SLC24A3: variants seen among roughly 807,000 people sequenced by gnomAD.
SLC24A3 encodes the protein solute carrier family 24 member 3, also known as sodium/potassium/calcium exchanger 3.
In SLC24A3, 28 loss-of-function variants were observed where a neutral mutation model predicts 75.8. The ratio of observed to expected loss-of-function variants is 0.37; its 90% CI spans 0.27 to 0.51. The LOEUF (loss-of-function observed/expected upper bound fraction) is 0.51. Among genes scored for constraint, SLC24A3 ranks in the 20% least tolerant of loss-of-function variants. The pLI is 0.94. For synonymous variants in SLC24A3, 372 were observed against 334.1 expected (o/e 1.11, Z -1.24); for missense variants, 663 against 847.8 (o/e 0.78, Z 2.71).
chr20:19,553,192 T>C (rs1375115551), intron 3 of SLC24A3, among the ~76,000 whole-genome samples: 1 of 151,664 alleles, frequency 6.6e-6, no homozygotes, highest in Non-Finnish European at 1.5e-5. Context: ...TGTGTGCACG[T>C]GTATGTCCGT....
intron 3 of SLC24A3, among the ~76,000 whole-genome samples, chr20:19,538,003 T>C (rs939055136): frequency 6.6e-6 from 1 of 151,854 alleles, no homozygotes; most frequent in Non-Finnish European, 1.5e-5. Context: ...ATTGTGCACA[T>C]GTACCCTAAA....
At chr20:19,623,296 G>A (rs2031827735) in intron 6 of SLC24A3, among the ~76,000 whole-genome samples, 2 of 152,164 alleles carry the variant, frequency 1.3e-5, no homozygotes, top group Non-Finnish European at 2.9e-5. Context: ...CAAGTCTAAT[G>A]CCATAAATGC....
intron 2 of SLC24A3, among the ~76,000 whole-genome samples, chr20:19,395,357 T>A (rs1986435814): frequency 6.6e-6 from 1 of 152,258 alleles, no homozygotes; most frequent in South Asian, 2.1e-4. Flanking sequence ...ATCACAATTT[T>A]AAAAAGTCAC....
chr20:19,334,139 T>G (rs1390354622), intron 2 of SLC24A3, among the ~76,000 whole-genome samples: 1 of 152,024 alleles, frequency 6.6e-6, no homozygotes, highest in Non-Finnish European at 1.5e-5. Context: ...AAATGGGTGG[T>G]CGTTGTCTCC....
At chr20:19,705,963 G>A (rs926294078) in intron 15 of SLC24A3, among the ~76,000 whole-genome samples, 24 of 152,146 alleles carry the variant, frequency 1.6e-4, no homozygotes, top group African/African-American at 5.1e-4. Flanking sequence ...GGTGATGAAC[G>A]TCTGTTCCAC....
At chr20:19,693,222 T>A in intron 12 of SLC24A3, 37 bp from the exon 13 acceptor site, 2 of 1,585,732 alleles carry the variant, frequency 1.3e-6, no homozygotes, top group Non-Finnish European at 1.7e-6. Context: ...TTTGTTATTT[T>A]TTTTTTATTT....
rs73605523 is a variant in SLC24A3 at position 19,505,832 on chromosome 20, A to G, written c.272-9656A>G. Among the ~76,000 whole-genome samples the G allele has an allele frequency of 0.01, 1,594 of 152,304 alleles. 60 individuals carry two copies. In the East Asian group the frequency reaches 0.14, roughly 13 times the overall value. Reference sequence around the variant, plus strand: ...TTTCTCAGCTCTGGAGAAAGCCTTCAGGGAAAGAGATGAAGGTGCTTAGTA... The same window carrying G: ...TTTCTCAGCTCTGGAGAAAGCCTTCGGGGAAAGAGATGAAGGTGCTTAGTA... On this transcript the variant is annotated intron_variant, in intron 2 of 16. Transcript: ENST00000328041.
At chr20:19,628,181 C>G (rs1040327536) in intron 6 of SLC24A3, among the ~76,000 whole-genome samples, 2 of 125,042 alleles carry the variant, frequency 1.6e-5, no homozygotes, top group African/African-American at 6.4e-5. Context: ...TCCAGCCTGG[C>G]GACACAGCGA....
chr20:19,718,567 A>C (rs905006708), intron 16 of SLC24A3, among the ~76,000 whole-genome samples: 1 of 152,146 alleles, frequency 6.6e-6, no homozygotes, highest in Non-Finnish European at 1.5e-5. Context: ...TATTGACACC[A>C]AGTGAATGGA....
chr20:19,590,185 A>G (rs1310302149), intron 6 of SLC24A3, among the ~76,000 whole-genome samples: 1 of 151,752 alleles, frequency 6.6e-6, no homozygotes. Flanking sequence ...CACCAACCTA[A>G]TATTTTACTT....
Position 19,681,026 on chromosome 20 carries a change from G to A in SLC24A3, c.768-832G>A, listed in dbSNP as rs2032608685. On this transcript the variant is annotated intron_variant, in intron 9 of 16. Transcript: ENST00000328041. ...AGCAGTAGCAGCCTTTTGTGACATGGAAACTGTGCCTGGCTGTCTTTGCCC... is the reference window on the plus strand; with the variant it reads ...AGCAGTAGCAGCCTTTTGTGACATGAAAACTGTGCCTGGCTGTCTTTGCCC... Among the ~76,000 whole-genome samples the A allele has an allele frequency of 3.9e-5, 6 of 152,270 alleles. No homozygotes were observed. The South Asian group carries it at 1.2e-3, about 32-fold the overall frequency.
intron 2 of SLC24A3, among the ~76,000 whole-genome samples, chr20:19,459,483 A>G (rs1987634689): frequency 6.6e-6 from 1 of 152,172 alleles, no homozygotes; most frequent in East Asian, 1.9e-4. Context: ...CATGTGCCTG[A>G]CACATTTTGC....
chr20:19,701,839 C>G (rs1321343), intron 15 of SLC24A3, among the ~76,000 whole-genome samples: 106,491 of 152,024 alleles, frequency 0.7, 37,728 homozygotes, highest in East Asian at 0.95. Flanking sequence ...GAAAAAAAAA[C>G]CTGGGCTCTA....
At chr20:19,345,009 A>C (rs562822170) in intron 2 of SLC24A3, among the ~76,000 whole-genome samples, 4 of 152,318 alleles carry the variant, frequency 2.6e-5, no homozygotes, top group African/African-American at 9.6e-5. Flanking sequence ...AAAGCAAAGA[A>C]AAGACACACT....
rs910444364 is a variant in SLC24A3, at chr20:19,658,112, A to G, written c.687+3976A>G. Among the ~76,000 whole-genome samples, 5 of 152,182 alleles carry G rather than the reference A, an allele frequency of 3.3e-5. 1 individual carries two copies. Among genetic ancestry groups the G allele is most frequent in the African/African-American group, 1.2e-4 (5 of 41,434 alleles). The stretch of plus-strand genomic sequence containing the variant: ...AGAGGGCAAGTCAGGATTAAGCAGG[A>G]CCAGATGCTGTTCTGTGTACACGCC... On this transcript the variant is annotated intron_variant, in intron 7 of 16. Coordinates refer to ENST00000328041, the MANE Select transcript of SLC24A3 (RefSeq NM_020689.4).
In SLC24A3 at chr20:19,291,374, AC is replaced by A. The variant is rs370256046; in HGVS notation, c.271+10289del. Among the ~76,000 whole-genome samples, 142 of 152,288 alleles carry A rather than the reference AC, an allele frequency of 9.3e-4. 2 individuals are homozygous for A. The East Asian group carries it at 0.024, about 26-fold the overall frequency. ...GAAGGTCAGGGATGGTCTGAGCTAC[AC>A]CAGTGAGTGCGCTTTGGTTTGGTCA... On this transcript the variant is annotated intron_variant, in intron 2 of 16. Transcript: ENST00000328041.
chr20:19,516,744 G>A (rs890124469), intron 3 of SLC24A3, among the ~76,000 whole-genome samples: 1 of 152,216 alleles, frequency 6.6e-6, no homozygotes, highest in Non-Finnish European at 1.5e-5. Flanking sequence ...GGGTGACTTA[G>A]CCTTGAAGTC....
intron 2 of SLC24A3, among the ~76,000 whole-genome samples, chr20:19,385,407 G>A (rs934209458): frequency 6.6e-6 from 1 of 152,088 alleles, no homozygotes; most frequent in African/African-American, 2.4e-5. Flanking sequence ...TTCTTTCCCC[G>A]TTGTGTGTTC....
intron 3 of SLC24A3, among the ~76,000 whole-genome samples, chr20:19,536,448 G>A (rs2030398415): frequency 6.6e-6 from 1 of 152,088 alleles, no homozygotes; most frequent in Admixed American, 6.5e-5. Context: ...AGGCCATACT[G>A]CCCAAGGTAA....
Sources: gnomAD v4.1 joint callset for allele counts (sites outside exome capture counted in the v4.1 genomes callset) on GRCh38, gnomAD v4.1.1 for gene constraint, MANE v1.5 for transcripts, NCBI Gene and HGNC (gene_info 2026-07-23, HGNC 2026-07-21) for gene names.